The following IQGAP1 variants were observed in gnomAD, a reference collection of about 807,000 sequenced individuals.
IQGAP1 encodes ras GTPase-activating-like protein IQGAP1.
IQGAP1 carries 66 observed loss-of-function variants against 215.6 expected under a neutral mutation model. That is an observed-to-expected ratio of 0.31 (90% confidence interval 0.25 to 0.38). IQGAP1 has a LOEUF of 0.38. Among genes scored for constraint, IQGAP1 ranks in the 10% least tolerant of loss-of-function variants. The probability of loss-of-function intolerance (pLI) is 1.00; values close to 1 mark genes in which losing one functional copy is unlikely to be tolerated. For synonymous variants in IQGAP1, 772 were observed against 728.7 expected, an observed-to-expected ratio of 1.06 and a Z score of -0.96; for missense variants, 1,712 against 1,997.1, an observed-to-expected ratio of 0.86 and a Z score of 2.72.
intron 3 of IQGAP1, among the ~76,000 whole-genome samples, 188 bp from the exon 4 acceptor site, chr15:90,429,401 C>T (rs1416294817): frequency 6.6e-6 from 1 of 152,130 alleles, no homozygotes; most frequent in African/African-American, 2.4e-5. Flanking sequence ...AGAAGGCTCT[C>T]CAGGTAGTTG....
chr15:90,457,145 C>T (rs781210613), intron 15 of IQGAP1, among the ~76,000 whole-genome samples: 123 of 151,862 alleles, frequency 8.1e-4, no homozygotes, highest in Non-Finnish European at 1.5e-3. Context: ...CACCCTTAGC[C>T]ACCCTCCATT....
chr15:90,455,211 T>G (rs1191343617), intron 14 of IQGAP1, among the ~76,000 whole-genome samples: 1 of 152,010 alleles, frequency 6.6e-6, no homozygotes, highest in Non-Finnish European at 1.5e-5. Context: ...TGTCCAGAGT[T>G]TTTATTTGGG....
At position 90,388,390 on chromosome 15, in the gene IQGAP1, T is replaced by G; in HGVS notation, c.49T>G (p.Tyr17Asp). The change falls in exon 1 of 38, where the codon TAT becomes GAT. Residue 17 changes from tyrosine (Y) to aspartate (D), a missense_variant. This residue lies in a region of IQGAP1 where 1,021 missense variants were observed against 1,074.2 expected (regional missense o/e 0.95). Coordinates refer to ENST00000268182, the MANE Select transcript of IQGAP1 (RefSeq NM_003870.4). ...CGGGCTGGGCGTGGCCCGGCCGCACTATGGCTGTGAGTGCGGGGCTCCGCG... is the reference window on the plus strand; with the variant it reads ...CGGGCTGGGCGTGGCCCGGCCGCACGATGGCTGTGAGTGCGGGGCTCCGCG... ...VDGLGVARPH[Y>D]GSVLDNERLT... 2.5e-6 allele frequency: 4 copies of G among 1,584,982 alleles called. No individual in the cohort carries two copies. The highest frequency in any genetic ancestry group is 3.4e-6 in the Non-Finnish European group (4 of 1,168,098).
intron 30 of IQGAP1, 33 bp downstream of exon 30, chr15:90,484,385 T>C: frequency 6.4e-7 from 1 of 1,566,692 alleles, no homozygotes; most frequent in Non-Finnish European, 8.8e-7. Flanking sequence ...TTAATTTCAT[T>C]GTCCTTAATT....
In IQGAP1 at chr15:90,395,055, A is replaced by C. The variant is rs768757610; in HGVS notation, c.155+4182A>C. 5.3e-5 allele frequency among the ~76,000 whole-genome samples: 8 copies of C among 152,304 alleles called. No individual in the cohort carries two copies. In the East Asian group the frequency reaches 1.5e-3, roughly 29 times the overall value. ...GAAAATTTAGGGGTAATTCCTATAA[A>C]TGAGCACTGGGAGTGGTTGAGAAAT... On this transcript the variant is annotated intron_variant, in intron 2 of 37. Coordinates refer to ENST00000268182, the MANE Select transcript of IQGAP1 (RefSeq NM_003870.4).
chr15:90,489,772 A>T (rs1050705174), intron 33 of IQGAP1, among the ~76,000 whole-genome samples: 5 of 152,244 alleles, frequency 3.3e-5, no homozygotes, highest in Non-Finnish European at 5.9e-5. Context: ...TACTTGAAAC[A>T]TGTTGAACCT....
intron 2 of IQGAP1, among the ~76,000 whole-genome samples, chr15:90,409,387 G>A (rs968480200): frequency 6.6e-6 from 1 of 151,838 alleles, no homozygotes; most frequent in Non-Finnish European, 1.5e-5. Flanking sequence ...ATGGGTGCCC[G>A]CCACAACAGC....
chr15:90,455,852 G>A (rs1271498814), intron 14 of IQGAP1, among the ~76,000 whole-genome samples: 1 of 152,138 alleles, frequency 6.6e-6, no homozygotes, highest in Non-Finnish European at 1.5e-5. Flanking sequence ...ACATTCCAGT[G>A]TACCTGAAAG....
At chr15:90,447,456 TG>T (rs1038616481) in intron 9 of IQGAP1, among the ~76,000 whole-genome samples, 1 of 152,242 alleles carries the variant, frequency 6.6e-6, no homozygotes. Flanking sequence ...AATTTTATTT[TG>T]TTTTTTACTA....
At chr15:90,495,070 T>G (rs1261897681) in intron 36 of IQGAP1, among the ~76,000 whole-genome samples, 1 of 152,268 alleles carries the variant, frequency 6.6e-6, no homozygotes, top group Non-Finnish European at 1.5e-5. Flanking sequence ...TATTTGGGTC[T>G]GATCTTAATT....
chr15:90,457,877 G>T (rs1287075792), intron 15 of IQGAP1, among the ~76,000 whole-genome samples: 1 of 152,188 alleles, frequency 6.6e-6, no homozygotes, highest in Non-Finnish European at 1.5e-5. Context: ...ATGTCATGAA[G>T]GTTTTTTGTG....
chr15:90,414,140 TCTTC>T (rs1178817860), intron 2 of IQGAP1, among the ~76,000 whole-genome samples: 4 of 152,106 alleles, frequency 2.6e-5, no homozygotes, highest in Admixed American at 2.6e-4. Context: ...TAGTTTTTCC[TCTTC>T]CTTTCTTACA....
chr15:90,482,660 T>TA, intron 28 of IQGAP1: 2 of 421,726 alleles, frequency 4.7e-6, no homozygotes, highest in Non-Finnish European at 5.6e-6. Flanking sequence ...TTCTCTTTTC[T>TA]TTTTTTTTTT....
intron 15 of IQGAP1, among the ~76,000 whole-genome samples, chr15:90,461,687 G>A (rs1965763729): frequency 6.6e-6 from 1 of 151,874 alleles, no homozygotes; most frequent in African/African-American, 2.4e-5. Context: ...AAAAATACAG[G>A]TGTGGTGTAC....
At chr15:90,421,242 G>A (rs537940678) in intron 2 of IQGAP1, among the ~76,000 whole-genome samples, 97 of 152,012 alleles carry the variant, frequency 6.4e-4, no homozygotes, top group Non-Finnish European at 1.0e-3. Flanking sequence ...TTGGGAGGCC[G>A]AGGCTGGTGG....
chr15:90,430,111 G>T (rs539103514), intron 4 of IQGAP1, among the ~76,000 whole-genome samples: 1 of 152,284 alleles, frequency 6.6e-6, no homozygotes, highest in Admixed American at 6.5e-5. Flanking sequence ...AAATTGTAGA[G>T]GTGGTAGAAT....
intron 2 of IQGAP1, among the ~76,000 whole-genome samples, chr15:90,425,139 G>A (rs1282284548): frequency 2.6e-5 from 4 of 151,858 alleles, no homozygotes; most frequent in Admixed American, 6.6e-5. Flanking sequence ...ACGAAGCCCC[G>A]TCTCTACTAA....
intron 15 of IQGAP1, among the ~76,000 whole-genome samples, chr15:90,465,009 C>T (rs552816575): frequency 8.5e-5 from 13 of 152,368 alleles, no homozygotes; most frequent in Middle Eastern, 3.4e-3. Context: ...ACCTCCACTA[C>T]ATCATACATC....
At chr15:90,388,465 G>T (rs1018929130) in intron 1 of IQGAP1, 69 bp downstream of exon 1, 8 of 1,386,624 alleles carry the variant, frequency 5.8e-6, no homozygotes, top group Non-Finnish European at 6.7e-6. Context: ...CGATTTTCCT[G>T]GGGGCTCGGC....
Sources: allele counts gnomAD v4.1 joint callset (sites outside exome capture counted in the v4.1 genomes callset), GRCh38; gene constraint gnomAD v4.1.1; regional missense constraint gnomAD v4.1.1; transcripts MANE v1.5; gene names NCBI Gene and HGNC (gene_info 2026-07-23, HGNC 2026-07-21).